Variants in CADM1 observed in about 807,000 individuals in gnomAD.
CADM1 encodes cell adhesion molecule 1.
CADM1 carries 15 observed loss-of-function variants against 53.1 expected under a neutral mutation model. The ratio of observed to expected loss-of-function variants is 0.28; its 90% confidence interval spans 0.19 to 0.44. The LOEUF (loss-of-function observed/expected upper bound fraction) is 0.44. CADM1 is among the 20% of genes least tolerant of loss of function. The pLI, the probability that CADM1 is intolerant of heterozygous loss-of-function variation, is 1.00. For synonymous variants in CADM1, 281 were observed against 243.0 expected (o/e 1.16, Z -1.45); for missense variants, 434 against 611.3 (o/e 0.71, Z 3.06).
At chr11:115,307,470 A>T (rs1944404687) in intron 1 of CADM1, among the ~76,000 whole-genome samples, 1 of 149,662 alleles carries the variant, frequency 6.7e-6, no homozygotes, top group Non-Finnish European at 1.5e-5. Context: ...AAAAATCAGA[A>T]GAACATTTTT....
intron 1 of CADM1, among the ~76,000 whole-genome samples, chr11:115,303,504 T>C (rs1242248337): frequency 6.6e-6 from 1 of 152,078 alleles, no homozygotes; most frequent in African/African-American, 2.4e-5. Flanking sequence ...CTGTATCTGA[T>C]AGTTTTATAG....
At chr11:115,352,501 T>C (rs980278745) in intron 1 of CADM1, among the ~76,000 whole-genome samples, 8 of 152,268 alleles carry the variant, frequency 5.3e-5, no homozygotes, top group Admixed American at 2.6e-4. Context: ...CTGGATAAAA[T>C]AGAGGAAATA....
intron 1 of CADM1, among the ~76,000 whole-genome samples, chr11:115,337,996 C>T (rs761967045): frequency 3.3e-5 from 5 of 152,176 alleles, no homozygotes; most frequent in Non-Finnish European, 7.4e-5. Context: ...CTGGTTGGCC[C>T]TAAGTGGGTA....
In CADM1 at chr11:115,421,903, T is replaced by C. The variant is rs374570755; in HGVS notation, c.124+82368A>G. ...TAGATTCCCATCTTAAATATTTCGG[T>C]ACGATGATTACATAAACTCAAAATT... On this transcript the variant is annotated intron_variant, in intron 1 of 11. Transcript: ENST00000331581. Among the ~76,000 whole-genome samples, 160 of 152,288 alleles carry C rather than the reference T, an allele frequency of 1.1e-3. 1 individual carries two copies. The highest frequency in any genetic ancestry group is 3.5e-3 in the African/African-American group (144 of 41,554).
At chr11:115,259,736 C>CT (rs138966233) in intron 1 of CADM1, among the ~76,000 whole-genome samples, 317 of 152,228 alleles carry the variant, frequency 2.1e-3, no homozygotes, top group African/African-American at 7.3e-3. Flanking sequence ...AAAGAAGGAG[C>CT]TTTCCTCCAA....
At chr11:115,217,560 A>G (rs1368782883) in intron 6 of CADM1, among the ~76,000 whole-genome samples, 3 of 152,208 alleles carry the variant, frequency 2.0e-5, no homozygotes, top group African/African-American at 7.2e-5. Flanking sequence ...AAGGTGGCAG[A>G]TATATCATTA....
chr11:115,269,483 CA>C (rs1179895374), intron 1 of CADM1, among the ~76,000 whole-genome samples: 2 of 152,094 alleles, frequency 1.3e-5, no homozygotes, highest in Non-Finnish European at 2.9e-5. Context: ...TTTATGCTCC[CA>C]ATTAGTTATT....
At chr11:115,328,158 G>C (rs1945009492) in intron 1 of CADM1, among the ~76,000 whole-genome samples, 1 of 151,352 alleles carries the variant, frequency 6.6e-6, no homozygotes, top group Non-Finnish European at 1.5e-5. Flanking sequence ...TATCAGATTG[G>C]CCAAGTCTCT....
chr11:115,214,605 T>A lies in CADM1; in HGVS notation c.994+3A>T. The A allele has an allele frequency of 6.2e-7, 1 of 1,613,378 alleles. No individual in the cohort carries two copies. The highest frequency in any genetic ancestry group is 8.5e-7 in the Non-Finnish European group (1 of 1,179,296). ...TAGAAGAGCATTTTATCTTCTCACG[T>A]ACCGTATACATACAGCATATAATCC... On this transcript the variant is annotated splice_donor_region_variant and intron_variant, in intron 7 of 11. Transcript: ENST00000331581.
chr11:115,200,501 TC>T (rs1402184935), intron 8 of CADM1, among the ~76,000 whole-genome samples: 2 of 151,958 alleles, frequency 1.3e-5, no homozygotes, highest in Middle Eastern at 3.4e-3. Flanking sequence ...TCTTTTCTTT[TC>T]TTTTTTTTTT....
intron 8 of CADM1, among the ~76,000 whole-genome samples, chr11:115,206,436 C>G (rs986608854): frequency 6.6e-6 from 1 of 152,116 alleles, no homozygotes; most frequent in African/African-American, 2.4e-5. Flanking sequence ...AAGCAGAGTC[C>G]GATTTGGCTT....
chr11:115,357,411 G>A (rs1243963125), intron 1 of CADM1, among the ~76,000 whole-genome samples: 3 of 152,134 alleles, frequency 2.0e-5, no homozygotes, highest in Non-Finnish European at 2.9e-5. Context: ...GTGGGGCTAG[G>A]AAGTGAGTCT....
intron 9 of CADM1, among the ~76,000 whole-genome samples, chr11:115,195,224 C>T (rs773136334): frequency 2.0e-4 from 31 of 152,130 alleles, no homozygotes; most frequent in Non-Finnish European, 4.0e-4. Flanking sequence ...GGAGAAAATC[C>T]ACTTGATTTT....
intron 1 of CADM1, among the ~76,000 whole-genome samples, chr11:115,501,955 C>G (rs1394201773): frequency 6.6e-6 from 1 of 152,150 alleles, no homozygotes; most frequent in Non-Finnish European, 1.5e-5. Context: ...ATCTCATCTC[C>G]TCACTACAAA....
intron 1 of CADM1, among the ~76,000 whole-genome samples, chr11:115,338,250 G>A (rs1380411584): frequency 6.6e-6 from 1 of 152,054 alleles, no homozygotes; most frequent in Non-Finnish European, 1.5e-5. Context: ...AACCCTAAGA[G>A]GTAGAAACCA....
intron 1 of CADM1, among the ~76,000 whole-genome samples, chr11:115,314,339 G>C (rs1216337744): frequency 6.6e-6 from 1 of 152,054 alleles, no homozygotes; most frequent in Admixed American, 6.6e-5. Context: ...GCATCAACAT[G>C]GTTGCCTTTT....
intron 1 of CADM1, among the ~76,000 whole-genome samples, chr11:115,422,008 T>G (rs1299429731): frequency 1.3e-5 from 2 of 152,218 alleles, no homozygotes; most frequent in Non-Finnish European, 1.5e-5. Context: ...TGTCCTTGAA[T>G]CTAGCAATTA....
At chr11:115,432,133 G>A (rs1948070122) in intron 1 of CADM1, among the ~76,000 whole-genome samples, 2 of 151,940 alleles carry the variant, frequency 1.3e-5, no homozygotes, top group South Asian at 2.1e-4. Context: ...TTTTAGTAGA[G>A]ATGGGGTTTC....
At chr11:115,465,445 G>A (rs926371026) in intron 1 of CADM1, among the ~76,000 whole-genome samples, 3 of 152,014 alleles carry the variant, frequency 2.0e-5, no homozygotes, top group Admixed American at 2.0e-4. Context: ...TAATGTCTTG[G>A]CATATGACAC....
Sources: gnomAD v4.1 joint callset for allele counts (sites outside exome capture counted in the v4.1 genomes callset) on GRCh38, gnomAD v4.1.1 for gene constraint, MANE v1.5 for transcripts, NCBI Gene and HGNC (gene_info 2026-07-23, HGNC 2026-07-21) for gene names.